Variants in DLGAP2 observed in about 807,000 individuals in gnomAD.
DLGAP2 encodes disks large-associated protein 2.
DLGAP2 carries 26 observed loss-of-function variants against 100.3 expected under a neutral mutation model. That is an observed-to-expected ratio of 0.26 (90% CI 0.19 to 0.36). DLGAP2 has a LOEUF of 0.36. Among genes scored for constraint, DLGAP2 ranks in the 10% least tolerant of loss-of-function variants. The pLI is 1.00. For synonymous variants in DLGAP2, 886 were observed against 630.1 expected, an observed-to-expected ratio of 1.41 and a Z score of -6.08; for missense variants, 1,858 against 1,453.2, an observed-to-expected ratio of 1.28 and a Z score of -4.53.
intron 1 of DLGAP2, among the ~76,000 whole-genome samples, chr8:778,089 T>A (rs1273462144): frequency 6.6e-6 from 1 of 152,166 alleles, no homozygotes; most frequent in Non-Finnish European, 1.5e-5. Context: ...GTTTCATTTC[T>A]TTCATTTCAT....
At chr8:1,698,409 G>A (rs1348237204) in intron 14 of DLGAP2, among the ~76,000 whole-genome samples, 12 of 151,438 alleles carry the variant, frequency 7.9e-5, no homozygotes, top group African/African-American at 2.9e-4. Flanking sequence ...GACTAGGCAG[G>A]TCCAAGTAAG....
intron 1 of DLGAP2, among the ~76,000 whole-genome samples, chr8:773,320 T>C (rs1265919999): frequency 7.2e-6 from 1 of 138,160 alleles, no homozygotes; most frequent in Non-Finnish European, 1.5e-5. Flanking sequence ...TTTACCTTAA[T>C]CACTTCTTTT....
chr8:1,045,521 C>T (rs1396335085), intron 2 of DLGAP2, among the ~76,000 whole-genome samples: 3 of 152,206 alleles, frequency 2.0e-5, no homozygotes, highest in African/African-American at 4.8e-5. Flanking sequence ...AATCTGCCCT[C>T]TTAGCAGTTT....
At chr8:1,391,912 A>C (rs905573288) in intron 3 of DLGAP2, among the ~76,000 whole-genome samples, 8 of 152,238 alleles carry the variant, frequency 5.3e-5, no homozygotes, top group Non-Finnish European at 1.2e-4. Context: ...ACAACCAACA[A>C]GGGGCCATGG....
chr8:1,372,040 T>TG (rs1237337190), intron 3 of DLGAP2, among the ~76,000 whole-genome samples: 1 of 152,168 alleles, frequency 6.6e-6, no homozygotes, highest in African/African-American at 2.4e-5. Flanking sequence ...TCTGTGCAGG[T>TG]GGGGGGCCTG....
intron 2 of DLGAP2, among the ~76,000 whole-genome samples, chr8:983,387 A>T (rs978243301): frequency 2.0e-5 from 3 of 151,186 alleles, no homozygotes; most frequent in Admixed American, 1.3e-4. Context: ...TGGAAGGTAC[A>T]GGTCGTCGAG....
intron 3 of DLGAP2, among the ~76,000 whole-genome samples, chr8:1,314,530 T>G (rs1800683958): frequency 6.6e-6 from 1 of 152,244 alleles, no homozygotes; most frequent in Non-Finnish European, 1.5e-5. Context: ...AGGGGAGACA[T>G]GGCCGAGTTA....
At chr8:1,517,561 G>A (rs189434410) in intron 4 of DLGAP2, among the ~76,000 whole-genome samples, 30 of 152,224 alleles carry the variant, frequency 2.0e-4, no homozygotes, top group African/African-American at 7.2e-4. Flanking sequence ...AAACTGAGAA[G>A]CTCTCCTCCG....
intron 2 of DLGAP2, among the ~76,000 whole-genome samples, chr8:1,080,195 T>A (rs1803757668): frequency 6.6e-6 from 1 of 152,236 alleles, no homozygotes; most frequent in Non-Finnish European, 1.5e-5. Context: ...GCATTTTTAT[T>A]TTCCACAAAA....
At chr8:1,201,795 G>A (rs1390292840) in intron 2 of DLGAP2, among the ~76,000 whole-genome samples, 3 of 152,206 alleles carry the variant, frequency 2.0e-5, no homozygotes, top group South Asian at 2.1e-4. Flanking sequence ...GACACACAGC[G>A]GTGCCTCTGT....
chr8:913,715 T>C (rs1022971956), intron 2 of DLGAP2, among the ~76,000 whole-genome samples: 1 of 152,274 alleles, frequency 6.6e-6, no homozygotes, highest in Non-Finnish European at 1.5e-5. Flanking sequence ...CAGAGGTACC[T>C]GTGACTTCAT....
intron 3 of DLGAP2, among the ~76,000 whole-genome samples, chr8:1,491,397 T>TCGGAGGCTTCAGGCTGCTCCCCCGATCC (rs56365838): frequency 0.53 from 79,553 of 149,180 alleles, 22,845 homozygotes; most frequent in Admixed American, 0.65. Context: ...CCCCCTGACC[T>TCGGAGGCTTCAGGCTGCTCCCCCGATCC]CGGAGGCTTC....
chr8:1,602,489 G>C (rs1170915862), intron 6 of DLGAP2, among the ~76,000 whole-genome samples: 1 of 152,234 alleles, frequency 6.6e-6, no homozygotes, highest in Non-Finnish European at 1.5e-5. Context: ...GTTGCCCAGA[G>C]CTAGCCAGGG....
At chr8:1,117,644 A>G (rs2129046979) in intron 2 of DLGAP2, among the ~76,000 whole-genome samples, 1 of 152,194 alleles carries the variant, frequency 6.6e-6, no homozygotes, top group East Asian at 1.9e-4. Context: ...CTGAACTGAG[A>G]TGGCCTTTTC....
intron 6 of DLGAP2, among the ~76,000 whole-genome samples, chr8:1,613,733 C>G (rs1249874115): frequency 2.0e-5 from 3 of 151,970 alleles, no homozygotes; most frequent in African/African-American, 4.8e-5. Flanking sequence ...AGCCCTTTTT[C>G]GAGAACCTGT....
chr8:1,012,380 C>T (rs749108571), intron 2 of DLGAP2, among the ~76,000 whole-genome samples: 7 of 152,242 alleles, frequency 4.6e-5, no homozygotes, highest in African/African-American at 4.8e-5. Context: ...AAAGCGCCCG[C>T]GGCAAATGCT....
chr8:1,354,373 T>C (rs1042580624), intron 3 of DLGAP2, among the ~76,000 whole-genome samples: 1 of 151,992 alleles, frequency 6.6e-6, no homozygotes, highest in Non-Finnish European at 1.5e-5. Flanking sequence ...AGTATCTGGG[T>C]GTGGTGGTGC....
chr8:1,021,362 A>G (rs1235115179), intron 2 of DLGAP2, among the ~76,000 whole-genome samples: 1 of 152,206 alleles, frequency 6.6e-6, no homozygotes, highest in African/African-American at 2.4e-5. Context: ...CCTGAGGATG[A>G]AAATGCTCTA....
At chr8:923,176 C>T (rs1489676849) in intron 2 of DLGAP2, among the ~76,000 whole-genome samples, 2 of 152,072 alleles carry the variant, frequency 1.3e-5, no homozygotes, top group Non-Finnish European at 2.9e-5. Flanking sequence ...GTGAATGAGA[C>T]GGGTGGTCTG....
Sources: gnomAD v4.1 joint callset for allele counts (sites outside exome capture counted in the v4.1 genomes callset) on GRCh38, gnomAD v4.1.1 for gene constraint, MANE v1.5 for transcripts, NCBI Gene and HGNC (gene_info 2026-07-23, HGNC 2026-07-21) for gene names.